Variants in ACYP2 observed in about 807,000 individuals in gnomAD.
The protein encoded by ACYP2 is acylphosphatase 2, also known as acylphosphatase-2.
A neutral mutation model predicts 11.2 loss-of-function variants in ACYP2; 12 were observed. The observed-to-expected ratio is 1.08, with a 90% CI of 0.69 to 1.74. The LOEUF is 1.74. Among genes scored for constraint, ACYP2 ranks in the 40% most tolerant of loss-of-function variants. The probability of loss-of-function intolerance (pLI) is 0.00; values close to 1 mark genes in which losing one functional copy is unlikely to be tolerated. For missense variants in ACYP2, 134 were observed against 101.9 expected, an observed-to-expected ratio of 1.31 and a Z score of -1.35; for synonymous variants, 43 against 32.2, an observed-to-expected ratio of 1.33 and a Z score of -1.13.
intron 4 of ACYP2, among the ~76,000 whole-genome samples, chr2:54,103,771 A>T (rs1032360108): frequency 1.1e-4 from 17 of 152,254 alleles, no homozygotes; most frequent in Admixed American, 6.5e-5. Context: ...TGTTCTGAGC[A>T]TTAAATATCA....
chr2:54,198,451 G>A (rs1378459336), intron 6 of ACYP2, among the ~76,000 whole-genome samples: 1 of 152,138 alleles, frequency 6.6e-6, no homozygotes, highest in African/African-American at 2.4e-5. Context: ...AGTTTGTGGG[G>A]CCTCCAGCAA....
At chr2:54,085,005 C>G (rs1020071316) in intron 4 of ACYP2, 3 of 152,084 alleles carry the variant, frequency 2.0e-5, no homozygotes, top group African/African-American at 7.2e-5. Context: ...GGGAATGTTT[C>G]CGGATGGAAT....
chr2:54,282,451 T>G (rs1352632478), intron 6 of ACYP2, among the ~76,000 whole-genome samples: 1 of 152,248 alleles, frequency 6.6e-6, no homozygotes, highest in Admixed American at 6.5e-5. Flanking sequence ...TGTGGTCATA[T>G]GTCAAGATCC....
intron 2 of ACYP2, among the ~76,000 whole-genome samples, chr2:54,022,292 A>T (rs959699304): frequency 6.6e-6 from 1 of 152,048 alleles, no homozygotes; most frequent in African/African-American, 2.4e-5. Flanking sequence ...ACCCCAAAAT[A>T]TGGTGACCTG....
chr2:54,219,821 G>A (rs373231586), intron 6 of ACYP2, among the ~76,000 whole-genome samples: 11 of 142,544 alleles, frequency 7.7e-5, no homozygotes, highest in Non-Finnish European at 9.0e-5. Context: ...TTGTGTATGT[G>A]TGTGTGTATA....
rs76322009 is a variant in ACYP2 at position 54,233,796 on chromosome 2, T to A, written c.405-70892T>A. The stretch of plus-strand genomic sequence containing the variant: ...TTATGTATTAGCTCTCTCTCTTACA[T>A]TAAGGGAACTTCAAAAAGGTCACGG... On this transcript the variant is annotated intron_variant, in intron 6 of 6. Coordinates refer to ENST00000607452, the MANE Select transcript of ACYP2 (RefSeq NM_001320586.2). 3.6e-3 allele frequency among the ~76,000 whole-genome samples: 548 copies of A among 152,244 alleles called. 3 individuals are homozygous for A. The highest frequency in any genetic ancestry group is 0.011 in the African/African-American group (453 of 41,542).
chr2:54,095,141 G>A (rs1489769207), intron 4 of ACYP2, among the ~76,000 whole-genome samples: 2 of 151,854 alleles, frequency 1.3e-5, no homozygotes, highest in Non-Finnish European at 2.9e-5. Context: ...ATCTTGCACC[G>A]CCCTTAATCC....
chr2:54,189,587 T>C (rs1684151049), intron 6 of ACYP2, among the ~76,000 whole-genome samples: 1 of 121,810 alleles, frequency 8.2e-6, no homozygotes, highest in African/African-American at 2.8e-5. Flanking sequence ...TGTATATCTG[T>C]GTTTTTTTTC....
At chr2:53,994,212 C>T (rs1314522085) in intron 2 of ACYP2, among the ~76,000 whole-genome samples, 1 of 151,738 alleles carries the variant, frequency 6.6e-6, no homozygotes, top group Non-Finnish European at 1.5e-5. Context: ...CGCCTGTAGC[C>T]CCAGCTACTC....
At chr2:54,135,591 A>T (rs529228078) in intron 5 of ACYP2, 122 bp downstream of exon 2, 3 of 666,980 alleles carry the variant, frequency 4.5e-6, no homozygotes, top group Non-Finnish European at 7.4e-6. Context: ...TTGACAGCAA[A>T]TGAAGAAATA....
At chr2:54,223,730 C>T (rs1182955541) in intron 6 of ACYP2, among the ~76,000 whole-genome samples, 6 of 152,138 alleles carry the variant, frequency 3.9e-5, no homozygotes, top group Admixed American at 3.9e-4. Flanking sequence ...AACTTTAGTT[C>T]TCACTCATTT....
rs182007732 is a variant in ACYP2 at position 54,274,915 on chromosome 2, G to T, written c.405-29773G>T. Among the ~76,000 whole-genome samples the T allele has an allele frequency of 3.8e-3, 574 of 152,244 alleles. 3 individuals are homozygous for T. Among genetic ancestry groups the T allele is most frequent in the Admixed American group, 9.7e-3 (148 of 15,280 alleles). ...GTTTTGTGCTACCACATTAAACAGT[G>T]GTGCTTTTGATATCATTTAACTAAA... On this transcript the variant is annotated intron_variant, in intron 6 of 6. Transcript: ENST00000607452.
chr2:54,155,804 T>C (rs1337599460), intron 6 of ACYP2, among the ~76,000 whole-genome samples: 1 of 152,214 alleles, frequency 6.6e-6, no homozygotes, highest in East Asian at 1.9e-4. Context: ...AATTTCGCTT[T>C]TGATTTCTTC....
At chr2:54,301,229 T>A (rs943126132) in intron 6 of ACYP2, among the ~76,000 whole-genome samples, 1 of 152,264 alleles carries the variant, frequency 6.6e-6, no homozygotes, top group Non-Finnish European at 1.5e-5. Context: ...ATTTTTCCTG[T>A]GCTTCTTGGT....
intron 4 of ACYP2, among the ~76,000 whole-genome samples, chr2:54,096,325 C>A (rs202041700): frequency 0.072 from 5,620 of 77,820 alleles, no homozygotes; most frequent in East Asian, 0.15. Context: ...GGCGGCCGGG[C>A]AGAGACGCTC....
chr2:53,997,131 A>G (rs1020844172), intron 2 of ACYP2, among the ~76,000 whole-genome samples: 1 of 152,142 alleles, frequency 6.6e-6, no homozygotes. Flanking sequence ...ACCCCATTTG[A>G]CAAACCATTC....
intron 2 of ACYP2, among the ~76,000 whole-genome samples, chr2:54,021,164 C>T (rs572627342): frequency 3.9e-5 from 6 of 152,102 alleles, no homozygotes; most frequent in South Asian, 2.1e-4. Context: ...GCATACGAGC[C>T]GGAGTGGTAG....
intron 6 of ACYP2, among the ~76,000 whole-genome samples, chr2:54,158,280 G>C (rs1682530835): frequency 6.6e-6 from 1 of 150,934 alleles, no homozygotes; most frequent in South Asian, 2.1e-4. Flanking sequence ...GACCTCGGGT[G>C]ATCCACCTGC....
intron 4 of ACYP2, among the ~76,000 whole-genome samples, chr2:54,058,468 A>G (rs1242124155): frequency 6.6e-6 from 1 of 152,150 alleles, no homozygotes; most frequent in Non-Finnish European, 1.5e-5. Flanking sequence ...TGACACACAC[A>G]TATTTCCCTC....
Sources: allele counts gnomAD v4.1 joint callset (sites outside exome capture counted in the v4.1 genomes callset), GRCh38; gene constraint gnomAD v4.1.1; transcripts MANE v1.5; gene names NCBI Gene and HGNC (gene_info 2026-07-23, HGNC 2026-07-21).